Variants in UNC5D observed in about 807,000 individuals in gnomAD.
UNC5D encodes netrin receptor UNC5D.
Under a neutral mutation model 105.4 loss-of-function variants are expected in UNC5D, and 39 were observed. The ratio of observed to expected loss-of-function variants is 0.37; its 90% CI spans 0.29 to 0.48. The LOEUF is 0.48. Ranked by LOEUF, UNC5D falls within the 20% of genes least tolerant of loss-of-function variation. The probability of loss-of-function intolerance (pLI) is 0.98; values close to 1 mark genes in which losing one functional copy is unlikely to be tolerated. For synonymous variants in UNC5D, 452 were observed against 450.4 expected (o/e 1.00, Z -0.04); for missense variants, 991 against 1,202.4 (o/e 0.82, Z 2.60).
chr8:35,448,136 T>TA (rs902306777), intron 1 of UNC5D, among the ~76,000 whole-genome samples: 2 of 152,038 alleles, frequency 1.3e-5, no homozygotes, highest in East Asian at 1.9e-4. Flanking sequence ...GAACTGGAGT[T>TA]AAAAAAATAT....
At chr8:35,387,705 T>G (rs1192182523) in intron 1 of UNC5D, among the ~76,000 whole-genome samples, 1 of 152,160 alleles carries the variant, frequency 6.6e-6, no homozygotes, top group Non-Finnish European at 1.5e-5. Context: ...TAAGTTCATG[T>G]GTAGGATTAG....
chr8:35,498,820 C>T lies in UNC5D; in HGVS notation c.104-50472C>T, dbSNP rs1037598028. On this transcript the variant is annotated intron_variant, in intron 1 of 16. Coordinates refer to ENST00000404895, the MANE Select transcript of UNC5D (RefSeq NM_080872.4). The stretch of plus-strand genomic sequence containing the variant: ...GTGTGATTTACACCATAGTTGGCAA[C>T]ATTTTTATTTTTCAGAAATTACCCT... Among the ~76,000 whole-genome samples, 3 of 152,108 alleles carry T rather than the reference C, an allele frequency of 2.0e-5. No individual in the cohort carries two copies. The South Asian group carries it at 6.2e-4, about 32-fold the overall frequency.
intron 9 of UNC5D, chr8:35,724,011 T>C (rs1828725358): frequency 1.5e-6 from 1 of 648,196 alleles, no homozygotes; most frequent in East Asian, 4.0e-5. Flanking sequence ...TGGAAAGCGC[T>C]CACAAATGCA....
rs1480964509 is a variant in UNC5D, at chr8:35,256,973, T to TG, written c.103+21086_103+21087insG. 2.7e-3 allele frequency among the ~76,000 whole-genome samples: 393 copies of TG among 144,346 alleles called. 1 individual carries two copies. Among genetic ancestry groups the TG allele is most frequent in the African/African-American group, 0.011 (371 of 34,372 alleles). 94.7% of individuals were successfully genotyped at this position (144,346 alleles called of 152,430 possible). On this transcript the variant is annotated intron_variant, in intron 1 of 16. Transcript: ENST00000404895. ...GCTCTTTTTTTGTTTTTTTTTTTTTTTTGTTTTTTGTTTTTTTTTGACTGA... is the reference window on the plus strand; with the variant it reads ...GCTCTTTTTTTGTTTTTTTTTTTTTTGTTGTTTTTTGTTTTTTTTTGACTGA...
rs143307819 is a variant in UNC5D at position 35,498,609 on chromosome 8, G to A, written c.104-50683G>A. On this transcript the variant is annotated intron_variant, in intron 1 of 16. Coordinates refer to ENST00000404895, the MANE Select transcript of UNC5D (RefSeq NM_080872.4). ...GGGAAGGAAAATGCAGGACTGGGTA[G>A]AGATATGGGTAGATTTATGTTGGTT... Among the ~76,000 whole-genome samples, 567 of 152,228 alleles carry A rather than the reference G, an allele frequency of 3.7e-3. 2 individuals are homozygous for A. Among genetic ancestry groups the A allele is most frequent in the Non-Finnish European group, 5.1e-3 (344 of 68,032 alleles).
intron 8 of UNC5D, among the ~76,000 whole-genome samples, chr8:35,717,707 C>T (rs1211314199): frequency 6.6e-6 from 1 of 152,138 alleles, no homozygotes; most frequent in South Asian, 2.1e-4. Context: ...AATATCTAAC[C>T]AGAGTCCCAA....
chr8:35,670,914 C>A (rs1009966487), intron 4 of UNC5D, among the ~76,000 whole-genome samples: 1 of 152,018 alleles, frequency 6.6e-6, no homozygotes, highest in African/African-American at 2.4e-5. Context: ...TATTTAAGTT[C>A]TTTGATGTTC....
intron 1 of UNC5D, among the ~76,000 whole-genome samples, chr8:35,430,429 A>G (rs1462305888): frequency 6.6e-6 from 1 of 152,140 alleles, no homozygotes; most frequent in Non-Finnish European, 1.5e-5. Flanking sequence ...TGGTAAACAT[A>G]AGTGTTTCTG....
chr8:35,327,360 C>A (rs1170000051), intron 1 of UNC5D, among the ~76,000 whole-genome samples: 2 of 152,168 alleles, frequency 1.3e-5, no homozygotes, highest in African/African-American at 4.8e-5. Context: ...GCCTGCTTCC[C>A]ACATTGCATG....
chr8:35,339,735 T>A (rs571006032), intron 1 of UNC5D, among the ~76,000 whole-genome samples: 1 of 152,074 alleles, frequency 6.6e-6, no homozygotes, highest in South Asian at 2.1e-4. Context: ...AGAGACAGAG[T>A]TGTTTGGAGG....
intron 1 of UNC5D, among the ~76,000 whole-genome samples, chr8:35,398,037 G>A (rs1337934901): frequency 3.3e-5 from 5 of 152,106 alleles, no homozygotes; most frequent in African/African-American, 9.7e-5. Flanking sequence ...TGAACCTTCA[G>A]GGTTTGAACA....
At chr8:35,747,635 A>T (rs1830069684) in intron 11 of UNC5D, among the ~76,000 whole-genome samples, 1 of 152,208 alleles carries the variant, frequency 6.6e-6, no homozygotes, top group Non-Finnish European at 1.5e-5. Flanking sequence ...GGGAAAAATA[A>T]GCAGACATCT....
At chr8:35,364,875 G>A (rs528220831) in intron 1 of UNC5D, among the ~76,000 whole-genome samples, 3 of 152,270 alleles carry the variant, frequency 2.0e-5, no homozygotes, top group East Asian at 1.9e-4. Flanking sequence ...TAGAAAAGTA[G>A]TATTGAAATT....
At chr8:35,779,071 C>T (rs1802387041) in intron 16 of UNC5D, among the ~76,000 whole-genome samples, 1 of 152,180 alleles carries the variant, frequency 6.6e-6, no homozygotes, top group South Asian at 2.1e-4. Flanking sequence ...CAAACTTTGA[C>T]TATTACTCAG....
At chr8:35,317,631 G>A (rs942631061) in intron 1 of UNC5D, among the ~76,000 whole-genome samples, 4 of 151,924 alleles carry the variant, frequency 2.6e-5, no homozygotes, top group Non-Finnish European at 4.4e-5. Context: ...ATCGATCTGC[G>A]GTGTACACTC....
intron 14 of UNC5D, among the ~76,000 whole-genome samples, chr8:35,761,388 G>A (rs1005768364): frequency 1.6e-4 from 24 of 152,174 alleles, no homozygotes; most frequent in African/African-American, 4.3e-4. Flanking sequence ...CAATAATTCC[G>A]ACACTAGGGA....
intron 1 of UNC5D, among the ~76,000 whole-genome samples, chr8:35,545,167 T>G (rs1474800088): frequency 6.6e-6 from 1 of 152,192 alleles, no homozygotes; most frequent in Admixed American, 6.5e-5. Flanking sequence ...ATGAATAAAT[T>G]TATCTTGAAG....
Position 35,726,414 on chromosome 8 carries a change from T to A in UNC5D, c.1566T>A (p.His522Gln). The A allele has an allele frequency of 6.2e-7, 1 of 1,614,148 alleles. No individual in the cohort carries two copies. Among genetic ancestry groups the A allele is most frequent in the Non-Finnish European group, 8.5e-7 (1 of 1,180,020 alleles). ...HGNNHSFSTM[H>Q]PRNKMPYIQN... ...ACAACCACAGCTTTAGTACAATGCA[T>A]CCCAGAAATAAAATGCCCTACATCC... Residue 522 changes from histidine (H) to glutamine (Q), a missense_variant, in exon 10 of 17, where the codon CAT becomes CAA. This residue lies in a region of UNC5D where 944 missense variants were observed against 1,131.6 expected (regional missense o/e 0.83). Coordinates refer to ENST00000404895, the MANE Select transcript of UNC5D (RefSeq NM_080872.4).
At chr8:35,423,881 C>A (rs1218903033) in intron 1 of UNC5D, among the ~76,000 whole-genome samples, 8 of 134,556 alleles carry the variant, frequency 5.9e-5, no homozygotes, top group Non-Finnish European at 1.1e-4. Flanking sequence ...GAGACAGATT[C>A]TCACTCTTCC....
Sources: gnomAD v4.1 joint callset for allele counts (sites outside exome capture counted in the v4.1 genomes callset) on GRCh38, gnomAD v4.1.1 for gene constraint, gnomAD v4.1.1 regional missense constraint, MANE v1.5 for transcripts, NCBI Gene and HGNC (gene_info 2026-07-23, HGNC 2026-07-21) for gene names.